PARL: variants seen among roughly 807,000 people sequenced by gnomAD.
The protein encoded by PARL is presenilin-associated rhomboid-like protein, mitochondrial.
PARL carries 44 observed loss-of-function variants against 51.6 expected under a neutral mutation model. That is an observed-to-expected ratio of 0.85 (90% confidence interval 0.67 to 1.10). The LOEUF (loss-of-function observed/expected upper bound fraction) is 1.10, where lower values mean the gene tolerates loss of function less well. Among genes scored for constraint, PARL ranks in the 50% least tolerant of loss-of-function variants. The pLI is 0.00. For synonymous variants in PARL, 172 were observed against 164.0 expected, an observed-to-expected ratio of 1.05 and a Z score of -0.37; for missense variants, 441 against 469.5, an observed-to-expected ratio of 0.94 and a Z score of 0.56.
At chr3:183,878,875 G>C (rs552104274) in intron 1 of PARL, among the ~76,000 whole-genome samples, 21 of 152,292 alleles carry the variant, frequency 1.4e-4, no homozygotes, top group African/African-American at 5.1e-4. Flanking sequence ...TAAAAAGAAA[G>C]AGAAAGAATA....
intron 9 of PARL, among the ~76,000 whole-genome samples, chr3:183,831,272 G>A (rs556166974): frequency 2.6e-5 from 4 of 152,272 alleles, no homozygotes; most frequent in East Asian, 1.9e-4. Context: ...CACTGCGCCC[G>A]GCCACCCAAA....
intron 1 of PARL, among the ~76,000 whole-genome samples, chr3:183,881,485 AATGTTT>A (rs1031758789): frequency 6.6e-6 from 1 of 152,192 alleles, no homozygotes; most frequent in Admixed American, 6.5e-5. Context: ...GGTCAGTGTT[AATGTTT>A]ATGTTACTCA....
At position 183,840,657 on chromosome 3, in the gene PARL, A is replaced by G. The variant is rs749021096; in HGVS notation, c.758-17T>C. On this transcript the variant is annotated splice_polypyrimidine_tract_variant and intron_variant, in intron 6 of 9. Transcript: ENST00000317096. Reference sequence around the variant, plus strand: ...AAATAACACCTGAAAAACAAGTCACATTACAATAATTTAAGTGAGGTATAA... The same window carrying G: ...AAATAACACCTGAAAAACAAGTCACGTTACAATAATTTAAGTGAGGTATAA... 112 of 1,330,810 alleles carry G rather than the reference A, an allele frequency of 8.4e-5. 1 individual carries two copies. The South Asian group carries it at 1.4e-3, about 16-fold the overall frequency. 82.4% of individuals were successfully genotyped at this position (1,330,810 alleles called of 1,614,324 possible).
intron 7 of PARL, among the ~76,000 whole-genome samples, chr3:183,834,635 C>T (rs1267162705): frequency 6.6e-6 from 1 of 152,082 alleles, no homozygotes; most frequent in Non-Finnish European, 1.5e-5. Context: ...TGTCCATGAT[C>T]TTGAGTGTGG....
At chr3:183,834,548 T>C (rs1728327577) in intron 7 of PARL, among the ~76,000 whole-genome samples, 3 of 152,160 alleles carry the variant, frequency 2.0e-5, no homozygotes, top group Admixed American at 6.5e-5. Context: ...TTATCTTTAG[T>C]AGAAGTAGGT....
chr3:183,865,406 A>G (rs372409617), intron 3 of PARL, among the ~76,000 whole-genome samples: 1 of 152,178 alleles, frequency 6.6e-6, no homozygotes, highest in Non-Finnish European at 1.5e-5. Context: ...AGGGTCCCCA[A>G]CAACCCGGCT....
intron 6 of PARL, among the ~76,000 whole-genome samples, chr3:183,841,636 A>G (rs1729323078): frequency 6.6e-6 from 1 of 152,208 alleles, no homozygotes; most frequent in African/African-American, 2.4e-5. Flanking sequence ...ATATTGTATT[A>G]AGTAAGTACA....
chr3:183,831,466 G>C (rs1428165231), intron 9 of PARL, among the ~76,000 whole-genome samples: 1 of 152,236 alleles, frequency 6.6e-6, no homozygotes, highest in Non-Finnish European at 1.5e-5. Context: ...GCCCTCATCT[G>C]AAACTCCAGC....
intron 1 of PARL, among the ~76,000 whole-genome samples, chr3:183,868,646 C>T (rs548527793): frequency 6.6e-6 from 1 of 152,340 alleles, no homozygotes; most frequent in African/African-American, 2.4e-5. Context: ...TGGGCTCACA[C>T]AATCCTCCTG....
In PARL at chr3:183,833,522, G is replaced by GCA. The variant is rs1728195458; in HGVS notation, c.996_997dup (p.Ala333ValfsTer21). On this transcript the variant is annotated frameshift_variant, in exon 9 of 10. Coordinates refer to ENST00000317096, the MANE Select transcript of PARL (RefSeq NM_018622.7). LOFTEE classifies it high-confidence loss of function. ...AAAAAGAGCTCCCCCAAGATGTGCCGCATGATCAAAAAATTTCCATCCCAG... is the reference window on the plus strand; with the variant it reads ...AAAAAGAGCTCCCCCAAGATGTGCCGCACATGATCAAAAAATTTCCATCCCAG... 2.5e-6 allele frequency: 4 copies of GCA among 1,612,636 alleles called. No homozygotes were observed. The highest frequency in any genetic ancestry group is 3.4e-6 in the Non-Finnish European group (4 of 1,178,810).
At position 183,829,363 on chromosome 3, in the gene PARL, C is replaced by G. The variant is rs1727647167; in HGVS notation, c.*235G>C. ...GCAAAATGCCAGAGCCGTGTCGGCC[C>G]CTTAAAGAGAGAACACACACATCTG... On this transcript the variant is annotated 3_prime_UTR_variant, in exon 10 of 10. Transcript: ENST00000317096. 4 of 1,407,374 alleles carry G rather than the reference C, an allele frequency of 2.8e-6. No individual in the cohort carries two copies. Among genetic ancestry groups the G allele is most frequent in the Non-Finnish European group, 3.7e-6 (4 of 1,076,516 alleles). The allele number at this position is 1,407,374 out of a possible 1,614,324, so 87.2% of individuals were successfully genotyped here.
At chr3:183,865,460 C>T (rs528537068) in intron 3 of PARL, among the ~76,000 whole-genome samples, 1 of 152,286 alleles carries the variant, frequency 6.6e-6, no homozygotes, top group East Asian at 1.9e-4. Context: ...CTGGGCCACA[C>T]AGCAGGAGGT....
At chr3:183,859,172 T>A (rs535499529) in intron 4 of PARL, among the ~76,000 whole-genome samples, 3 of 151,806 alleles carry the variant, frequency 2.0e-5, no homozygotes, top group African/African-American at 7.2e-5. Flanking sequence ...CGGGCACTTA[T>A]AGGCTGAGGA....
chr3:183,843,406 C>T, intron 5 of PARL: 1 of 402,638 alleles, frequency 2.5e-6, no homozygotes, highest in Non-Finnish European at 3.4e-6. Flanking sequence ...AGTCCCAGCT[C>T]CTGGGGGCTG....
rs375974796 is a variant in PARL at position 183,844,321 on chromosome 3, T to C, written c.517A>G (p.Ile173Val). The change falls in exon 5 of 10, where the codon ATA becomes GTA. Residue 173 changes from isoleucine to valine, a missense_variant. Transcript: ENST00000317096. ...CAGAATACAAGGACATTTGCAGCTA[T>C]AATACCTACAAAATAAATATTTATA... is the stretch of plus-strand genomic sequence containing the variant. Reference protein sequence around the residue: ...SDGQRTVTGIIAANVLVFCLW... With the variant: ...SDGQRTVTGIVAANVLVFCLW... 1.9e-6 allele frequency: 3 copies of C among 1,566,948 alleles called. No individual in the cohort carries two copies. The highest frequency in any genetic ancestry group is 2.2e-5 in the South Asian group (2 of 90,152).
chr3:183,873,554 A>G (rs1366915727), intron 1 of PARL, among the ~76,000 whole-genome samples: 1 of 152,108 alleles, frequency 6.6e-6, no homozygotes, highest in Non-Finnish European at 1.5e-5. Context: ...GTCTCAAAAA[A>G]AAAAAAATTA....
At chr3:183,839,451 T>C (rs1326612872) in intron 7 of PARL, among the ~76,000 whole-genome samples, 2 of 152,178 alleles carry the variant, frequency 1.3e-5, no homozygotes, top group Non-Finnish European at 2.9e-5. Context: ...CAGGGTCTTG[T>C]TCTGTCACCC....
chr3:183,874,411 C>T (rs1577384742), intron 1 of PARL, among the ~76,000 whole-genome samples: 1 of 140,936 alleles, frequency 7.1e-6, no homozygotes, highest in East Asian at 2.1e-4. Context: ...TAGAAATAAT[C>T]TTTTTTTTTT....
At position 183,867,883 on chromosome 3, in the gene PARL, A is replaced by C; in HGVS notation, c.303T>G (p.Pro101=). 1 of 1,612,628 alleles carries C rather than the reference A, an allele frequency of 6.2e-7. No individual in the cohort carries two copies. Among genetic ancestry groups the C allele is most frequent in the South Asian group, 1.1e-5 (1 of 91,032 alleles). The part of the protein sequence containing the change: ...SPYPIRSLIK[P]LFFTVGFTGC... Reference sequence around the variant, plus strand: ...CTCTTACCCCAACAGTAAAAAATAAAGGTTTTATGAGACTCCTTATAGGAT... The same window carrying C: ...CTCTTACCCCAACAGTAAAAAATAACGGTTTTATGAGACTCCTTATAGGAT... The change falls in exon 2 of 10, where the codon CCT becomes CCG. Residue 101 remains proline (P), a synonymous_variant. Transcript: ENST00000317096.
Sources: gnomAD v4.1 joint callset for allele counts (sites outside exome capture counted in the v4.1 genomes callset) on GRCh38, gnomAD v4.1.1 for gene constraint, MANE v1.5 for transcripts, NCBI Gene and HGNC (gene_info 2026-07-23, HGNC 2026-07-21) for gene names.